Variants in ANK3 observed in about 807,000 individuals in gnomAD.
The protein encoded by ANK3 is ankyrin-3.
Under a neutral mutation model 370.9 loss-of-function variants are expected in ANK3, and 57 were observed. That is an observed-to-expected ratio of 0.15 (90% CI 0.12 to 0.19). The LOEUF (loss-of-function observed/expected upper bound fraction) is 0.19, where lower values mean the gene tolerates loss of function less well. Ranked by LOEUF, ANK3 falls within the 10% of genes least tolerant of loss-of-function variation. The pLI is 1.00. For missense variants in ANK3, 4,439 were observed against 5,302.1 expected (o/e 0.84, Z 5.06); for synonymous variants, 1,929 against 1,946.3 (o/e 0.99, Z 0.23).
chr10:60,554,483 G>C (rs886233285), intron 2 of ANK3, among the ~76,000 whole-genome samples: 1 of 152,112 alleles, frequency 6.6e-6, no homozygotes, highest in African/African-American at 2.4e-5. Context: ...ATATCTGCTT[G>C]CTGCTGACCA....
chr10:60,154,273 G>A (rs946138811), intron 23 of ANK3, among the ~76,000 whole-genome samples: 6 of 152,188 alleles, frequency 3.9e-5, no homozygotes, highest in African/African-American at 1.4e-4. Flanking sequence ...TGAATCACCT[G>A]AGGGCAACCT....
chr10:60,102,831 A>G (rs1358512486), intron 28 of ANK3, among the ~76,000 whole-genome samples: 1 of 152,212 alleles, frequency 6.6e-6, no homozygotes, highest in Non-Finnish European at 1.5e-5. Context: ...ATCTATGGAG[A>G]AGGGGGTTGA....
intron 2 of ANK3, among the ~76,000 whole-genome samples, chr10:60,480,157 T>C (rs560509458): frequency 7.9e-5 from 12 of 152,288 alleles, no homozygotes; most frequent in African/African-American, 2.2e-4. Context: ...ACATGAGCAC[T>C]TGACTCATGA....
At chr10:60,410,293 A>T (rs1335191977) in intron 2 of ANK3, among the ~76,000 whole-genome samples, 3 of 152,158 alleles carry the variant, frequency 2.0e-5, no homozygotes, top group Non-Finnish European at 4.4e-5. Flanking sequence ...AGTTAAAAAA[A>T]AAAAGACATT....
At chr10:60,131,338 C>T (rs2094055506) in intron 25 of ANK3, among the ~76,000 whole-genome samples, 1 of 152,144 alleles carries the variant, frequency 6.6e-6, no homozygotes, top group East Asian at 1.9e-4. Flanking sequence ...GCTTATTAAA[C>T]ATGCTGGTTC....
chr10:60,240,213 CACAT>C (rs1230559906), intron 7 of ANK3, among the ~76,000 whole-genome samples: 1 of 139,136 alleles, frequency 7.2e-6, no homozygotes, highest in Non-Finnish European at 1.5e-5. Flanking sequence ...CATATATATA[CACAT>C]ATATATATAC....
intron 2 of ANK3, among the ~76,000 whole-genome samples, chr10:60,537,966 A>C (rs2076761134): frequency 6.6e-6 from 1 of 151,970 alleles, no homozygotes. Context: ...AATACATTTA[A>C]AATGTATTAG....
At chr10:60,308,804 T>G (rs773753872) in intron 1 of ANK3, among the ~76,000 whole-genome samples, 4 of 152,066 alleles carry the variant, frequency 2.6e-5, no homozygotes, top group Non-Finnish European at 5.9e-5. Flanking sequence ...GATTCTAAGG[T>G]GGGAATGACC....
chr10:60,103,167 G>A (rs1349533655), intron 28 of ANK3, among the ~76,000 whole-genome samples: 2 of 152,032 alleles, frequency 1.3e-5, no homozygotes, highest in Non-Finnish European at 2.9e-5. Flanking sequence ...GGCCAGGATG[G>A]TCTCCATCTC....
At chr10:60,498,539 T>G (rs1337433218) in intron 2 of ANK3, among the ~76,000 whole-genome samples, 2 of 152,210 alleles carry the variant, frequency 1.3e-5, no homozygotes, top group African/African-American at 4.8e-5. Flanking sequence ...CAAGTGTGCA[T>G]CACCATACCT....
At chr10:60,547,680 G>GAC (rs2076999154) in intron 2 of ANK3, among the ~76,000 whole-genome samples, 1 of 151,880 alleles carries the variant, frequency 6.6e-6, no homozygotes, top group South Asian at 2.1e-4. Flanking sequence ...GACAGAGAGA[G>GAC]AGAGACAGAG....
At chr10:60,589,935 T>C (rs549683076) in intron 2 of ANK3, among the ~76,000 whole-genome samples, 1 of 152,326 alleles carries the variant, frequency 6.6e-6, no homozygotes, top group African/African-American at 2.4e-5. Flanking sequence ...TCTCTAATAA[T>C]TGTTTGCTGC....
chr10:60,633,823 T>C (rs1302405792), intron 1 of ANK3, among the ~76,000 whole-genome samples: 1 of 152,212 alleles, frequency 6.6e-6, no homozygotes, highest in East Asian at 1.9e-4. Context: ...GTTCTCTCTT[T>C]TTCTTTCATT....
intron 2 of ANK3, among the ~76,000 whole-genome samples, chr10:60,448,025 T>A (rs1403326154): frequency 6.6e-6 from 1 of 152,164 alleles, no homozygotes; most frequent in African/African-American, 2.4e-5. Context: ...CCAGAGGGAA[T>A]CCTTTCTGAC....
chr10:60,482,102 T>C (rs1266689752), intron 2 of ANK3, among the ~76,000 whole-genome samples: 1 of 152,212 alleles, frequency 6.6e-6, no homozygotes, highest in Non-Finnish European at 1.5e-5. Context: ...CCCTTGATTA[T>C]GAAAAGTAAT....
intron 1 of ANK3, among the ~76,000 whole-genome samples, chr10:60,338,663 G>T (rs1043308429): frequency 8.5e-5 from 13 of 152,140 alleles, no homozygotes; most frequent in Non-Finnish European, 1.9e-4. Context: ...ATCTCCCATG[G>T]TGATTTATAA....
At chr10:60,464,874 TA>T in intron 2 of ANK3, among the ~76,000 whole-genome samples, 1 of 152,312 alleles carries the variant, frequency 6.6e-6, no homozygotes, top group East Asian at 1.9e-4. Context: ...CTGCATTCAT[TA>T]TCTAGAAATC....
At chr10:60,185,708 C>G (rs2096306358) in intron 17 of ANK3, among the ~76,000 whole-genome samples, 2 of 151,988 alleles carry the variant, frequency 1.3e-5, no homozygotes, top group South Asian at 4.2e-4. Context: ...ATCTGAGGGC[C>G]CTTTTGTGTG....
chr10:60,404,762 C>G lies in ANK3; in HGVS notation c.97-125123G>C, dbSNP rs1413998057. ...TAAAGCTTCTGCACTTCAAAGCCCA[C>G]TGTTAAGAAAATGAATAGGCCACGA... On this transcript the variant is annotated intron_variant, in intron 2 of 43. Transcript: ENST00000373827. Among the ~76,000 whole-genome samples, 3 of 152,108 alleles carry G rather than the reference C, an allele frequency of 2.0e-5. No individual in the cohort carries two copies. In the South Asian group the frequency reaches 6.2e-4, roughly 32 times the overall value.
Sources: gnomAD v4.1 joint callset for allele counts (sites outside exome capture counted in the v4.1 genomes callset) on GRCh38, gnomAD v4.1.1 for gene constraint, MANE v1.5 for transcripts, NCBI Gene and HGNC (gene_info 2026-07-23, HGNC 2026-07-21) for gene names.